Variants in CTNNA2 observed in about 807,000 individuals in gnomAD.
The protein encoded by CTNNA2 is catenin alpha 2, also known as catenin alpha-2.
Under a neutral mutation model 101.0 loss-of-function variants are expected in CTNNA2, and 42 were observed. The observed-to-expected ratio is 0.42, with a 90% CI of 0.32 to 0.54. The LOEUF (loss-of-function observed/expected upper bound fraction) is 0.54. Among genes scored for constraint, CTNNA2 ranks in the 20% least tolerant of loss-of-function variants. The pLI is 0.14. For synonymous variants in CTNNA2, 450 were observed against 456.4 expected (o/e 0.99, Z 0.18); for missense variants, 871 against 1,223.1 (o/e 0.71, Z 4.29).
chr2:80,181,747 AG>A (rs1412819134), intron 7 of CTNNA2, among the ~76,000 whole-genome samples: 1 of 152,224 alleles, frequency 6.6e-6, no homozygotes, highest in Non-Finnish European at 1.5e-5. Flanking sequence ...TTATGTATAG[AG>A]TCACTGTATT....
chr2:80,590,930 T>C (rs1261239470), intron 15 of CTNNA2, among the ~76,000 whole-genome samples: 2 of 152,204 alleles, frequency 1.3e-5, no homozygotes, highest in East Asian at 1.9e-4. Context: ...CAGTCACTGT[T>C]TCTCAAGGCC....
chr2:80,543,812 G>A (rs1691792759), intron 9 of CTNNA2, among the ~76,000 whole-genome samples: 1 of 152,112 alleles, frequency 6.6e-6, no homozygotes, highest in South Asian at 2.1e-4. Flanking sequence ...GCCCAGTTTT[G>A]GAGACTAAAC....
At chr2:79,567,203 G>T (rs1675171373) in intron 1 of CTNNA2, among the ~76,000 whole-genome samples, 1 of 152,180 alleles carries the variant, frequency 6.6e-6, no homozygotes, top group African/African-American at 2.4e-5. Context: ...GCAATTTAAT[G>T]AAGTCCTGTG....
chr2:79,718,886 A>T (rs1203638015), intron 2 of CTNNA2, among the ~76,000 whole-genome samples: 2 of 150,990 alleles, frequency 1.3e-5, no homozygotes, highest in African/African-American at 4.9e-5. Context: ...AAGGACAGTT[A>T]AATACCTGTG....
intron 2 of CTNNA2, among the ~76,000 whole-genome samples, chr2:79,681,746 G>A (rs1043932663): frequency 6.6e-6 from 1 of 152,144 alleles, no homozygotes; most frequent in Non-Finnish European, 1.5e-5. Flanking sequence ...GATATGGTTT[G>A]CATGCAAATG....
At chr2:80,641,719 T>A (rs2149857130) in intron 18 of CTNNA2, among the ~76,000 whole-genome samples, 1 of 152,242 alleles carries the variant, frequency 6.6e-6, no homozygotes, top group Admixed American at 6.5e-5. Context: ...CCAAGGAAGG[T>A]TATTTTCTAT....
intron 8 of CTNNA2, among the ~76,000 whole-genome samples, chr2:80,411,860 G>A (rs1016238997): frequency 1.3e-5 from 2 of 152,158 alleles, no homozygotes; most frequent in Admixed American, 6.5e-5. Flanking sequence ...TTTTGGAGCA[G>A]TATCTGGCAC....
chr2:79,286,012 C>T (rs1397231599), intron 2 of CTNNA2, among the ~76,000 whole-genome samples: 3 of 150,268 alleles, frequency 2.0e-5, no homozygotes, highest in East Asian at 3.9e-4. Context: ...TATGTAATGG[C>T]CTTCTTTGTC....
chr2:79,805,691 A>G (rs1676517487), intron 3 of CTNNA2, among the ~76,000 whole-genome samples: 1 of 152,118 alleles, frequency 6.6e-6, no homozygotes, highest in South Asian at 2.1e-4. Context: ...TAATCCCAGC[A>G]CTTTGGGAGG....
chr2:79,719,198 A>G (rs1188329995), intron 2 of CTNNA2, among the ~76,000 whole-genome samples: 1 of 152,126 alleles, frequency 6.6e-6, no homozygotes, highest in African/African-American at 2.4e-5. Context: ...TAATTCCCTT[A>G]GGATTATGGC....
chr2:79,756,684 A>T (rs1248883605), intron 3 of CTNNA2, among the ~76,000 whole-genome samples: 2 of 152,236 alleles, frequency 1.3e-5, no homozygotes, highest in Non-Finnish European at 2.9e-5. Context: ...TTGATGAAAG[A>T]CTTATATCCA....
chr2:80,074,478 C>A (rs1698551364), intron 7 of CTNNA2, among the ~76,000 whole-genome samples: 1 of 152,134 alleles, frequency 6.6e-6, no homozygotes, highest in African/African-American at 2.4e-5. Flanking sequence ...GAGAAGGTGG[C>A]AGAATGACAG....
chr2:79,503,829 G>C (rs13393545), intron 4 of CTNNA2, among the ~76,000 whole-genome samples: 3,454 of 152,178 alleles, frequency 0.023, 157 homozygotes, highest in East Asian at 0.19. Flanking sequence ...CCACTACCCG[G>C]CCATTTTGGG....
At position 80,522,292 on chromosome 2, in the gene CTNNA2, A is replaced by G. The variant is rs575996529; in HGVS notation, c.1291-22690A>G. Among the ~76,000 whole-genome samples, 51 of 152,320 alleles carry G rather than the reference A, an allele frequency of 3.3e-4. No individual in the cohort carries two copies. In the South Asian group the frequency reaches 9.8e-3, roughly 29 times the overall value. On this transcript the variant is annotated intron_variant, in intron 9 of 18. Transcript: ENST00000402739. ...AAAAGAGAGTCTTAATGAGTGCTGC[A>G]GTCTTCTGTAGCAAGAGGATGGGAG...
intron 17 of CTNNA2, among the ~76,000 whole-genome samples, chr2:80,609,250 A>C (rs1453604869): frequency 6.6e-6 from 1 of 151,850 alleles, no homozygotes; most frequent in Non-Finnish European, 1.5e-5. Flanking sequence ...GGTCTTCCTG[A>C]AGCCATTTTT....
intron 2 of CTNNA2, among the ~76,000 whole-genome samples, chr2:79,232,698 T>A (rs1394776796): frequency 2.6e-5 from 4 of 152,214 alleles, no homozygotes; most frequent in Non-Finnish European, 5.9e-5. Flanking sequence ...AGATTTTTAT[T>A]ACTGACTCAA....
At chr2:80,094,645 A>C (rs1204983430) in intron 7 of CTNNA2, among the ~76,000 whole-genome samples, 2 of 151,496 alleles carry the variant, frequency 1.3e-5, no homozygotes, top group East Asian at 3.9e-4. Flanking sequence ...TGAGCATGGA[A>C]TGTTCTTCCA....
chr2:79,703,812 A>G (rs1330093513), intron 2 of CTNNA2, among the ~76,000 whole-genome samples: 1 of 152,204 alleles, frequency 6.6e-6, no homozygotes, highest in Non-Finnish European at 1.5e-5. Context: ...AAAACTTTTA[A>G]CATGCAGTCC....
At position 80,311,485 on chromosome 2, in the gene CTNNA2, C is replaced by A. The variant is rs569828560; in HGVS notation, c.1057-81726C>A. Among the ~76,000 whole-genome samples the A allele has an allele frequency of 2.6e-5, 4 of 152,300 alleles. No homozygotes were observed. The East Asian group carries it at 7.7e-4, about 29-fold the overall frequency. ...TCATTCTTCCTCTTCACACCCATTTCCTCATTCCATCCTATGAAGGCAATT... is the reference window on the plus strand; with the variant it reads ...TCATTCTTCCTCTTCACACCCATTTACTCATTCCATCCTATGAAGGCAATT... On this transcript the variant is annotated intron_variant, in intron 7 of 18. Transcript: ENST00000402739.
Sources: allele counts gnomAD v4.1 joint callset (sites outside exome capture counted in the v4.1 genomes callset), GRCh38; gene constraint gnomAD v4.1.1; transcripts MANE v1.5; gene names NCBI Gene and HGNC (gene_info 2026-07-23, HGNC 2026-07-21).